PHC1: variants seen among roughly 807,000 people sequenced by gnomAD.
PHC1 encodes polyhomeotic homolog 1, also known as polyhomeotic-like protein 1.
PHC1 carries 12 observed loss-of-function variants against 104.3 expected under a neutral mutation model. The ratio of observed to expected loss-of-function variants is 0.12; its 90% CI spans 0.07 to 0.19. The LOEUF (loss-of-function observed/expected upper bound fraction) is 0.19. Among genes scored for constraint, PHC1 ranks in the 10% least tolerant of loss-of-function variants. The pLI, the probability that PHC1 is intolerant of heterozygous loss-of-function variation, is 1.00. For synonymous variants in PHC1, 302 were observed against 455.8 expected (o/e 0.66, Z 4.30); for missense variants, 671 against 1,200.0 (o/e 0.56, Z 6.51).
chr12:8,941,361 G>A lies in PHC1; in HGVS notation c.*1902G>A, dbSNP rs1376200303. On this transcript the variant is annotated 3_prime_UTR_variant, in exon 15 of 15. Transcript: ENST00000544916. ...GCAGCAAGAAATACCAGATTCTCAT[G>A]GAGGCTACTATAGGGTACAGAATAA... 16 of 197,412 alleles carry A rather than the reference G, an allele frequency of 8.1e-5. No homozygotes were observed. Among genetic ancestry groups the A allele is most frequent in the Non-Finnish European group, 1.6e-4 (15 of 94,884 alleles). The allele number at this position is 197,412 out of a possible 1,614,324, so 12.2% of individuals were successfully genotyped here. A position where few individuals can be genotyped will look rare whatever the true frequency, so the allele number is the denominator to read the frequency against.
chr12:8,937,131 T>C, intron 12 of PHC1, 45 bp from the exon 13 acceptor site: 1 of 1,579,436 alleles, frequency 6.3e-7, no homozygotes, highest in Non-Finnish European at 8.6e-7. Context: ...AGCAGGGTGG[T>C]CTTCTGTGGC....
rs1031883698 is a variant in PHC1 at position 8,921,732 on chromosome 12, G to A, written c.438G>A (p.Gln146=). 3 of 1,609,882 alleles carry A rather than the reference G, an allele frequency of 1.9e-6. No individual in the cohort carries two copies. The highest frequency in any genetic ancestry group is 2.7e-5 in the African/African-American group (2 of 74,680). The change falls in exon 5 of 15, where the codon CAG becomes CAA. Residue 146 remains glutamine (Q), a synonymous_variant. Coordinates refer to ENST00000544916, the MANE Select transcript of PHC1 (RefSeq NM_004426.3). ...NTTSPPLNQS[Q]AQMYLRPQLG... ...CCTCCCCACCCCTCAACCAGTCTCA[G>A]GCCCAGATGTATCTACGGGTAAGCC... is the stretch of plus-strand genomic sequence containing the variant.
At chr12:8,917,879 T>C (rs1213472949) in intron 2 of PHC1, 88 bp downstream of exon 2, 2 of 697,048 alleles carry the variant, frequency 2.9e-6, no homozygotes, top group African/African-American at 3.8e-5. Flanking sequence ...TCAGTTCTTT[T>C]TCAACAAACT....
chr12:8,928,692 C>G (rs1167093722), intron 6 of PHC1, among the ~76,000 whole-genome samples: 2 of 152,166 alleles, frequency 1.3e-5, no homozygotes, highest in Non-Finnish European at 2.9e-5. Context: ...GACACATGAC[C>G]AATGCATTCA....
intron 7 of PHC1, 83 bp from the exon 8 acceptor site, chr12:8,932,480 A>G (rs748910937): frequency 2.0e-6 from 3 of 1,471,454 alleles, no homozygotes; most frequent in Admixed American, 3.8e-5. Context: ...ATACCTTGGA[A>G]AAATGAATTT....
intron 13 of PHC1, 74 bp downstream of exon 13, chr12:8,937,400 G>A: frequency 1.5e-6 from 2 of 1,350,144 alleles, no homozygotes; most frequent in Non-Finnish European, 2.0e-6. Flanking sequence ...CAATTCATTT[G>A]CCCAGGTAAG....
intron 6 of PHC1, among the ~76,000 whole-genome samples, chr12:8,929,564 G>GTTACC (rs1945624067): frequency 6.8e-6 from 1 of 146,680 alleles, no homozygotes; most frequent in Non-Finnish European, 1.5e-5. Context: ...GTCTCACTCT[G>GTTACC]TTACCCAGGC....
intron 6 of PHC1, among the ~76,000 whole-genome samples, chr12:8,927,754 A>T (rs1403111918): frequency 6.6e-6 from 1 of 152,192 alleles, no homozygotes; most frequent in Non-Finnish European, 1.5e-5. Context: ...TCTAGCACCC[A>T]ATCCTGATGA....
intron 2 of PHC1, among the ~76,000 whole-genome samples, chr12:8,918,499 A>G (rs1481807856): frequency 4.0e-5 from 6 of 151,418 alleles, no homozygotes; most frequent in Non-Finnish European, 2.9e-5. Flanking sequence ...TTTTTTTGAG[A>G]CAAGGTCTAG....
At chr12:8,920,030 G>C in intron 3 of PHC1, 164 bp downstream of exon 3, 1 of 1,120,278 alleles carries the variant, frequency 8.9e-7, no homozygotes, top group Non-Finnish European at 1.3e-6. Flanking sequence ...TAGCTTCTGG[G>C]GTTGCAGTAA....
chr12:8,937,848 G>A lies in PHC1; in HGVS notation c.2648G>A (p.Arg883Gln), dbSNP rs376674512. The A allele has an allele frequency of 4.8e-5, 77 of 1,612,468 alleles. No individual in the cohort carries two copies. The highest frequency in any genetic ancestry group is 6.3e-5 in the Non-Finnish European group (74 of 1,178,690). Residue 883 changes from arginine to glutamine, a missense_variant, in exon 14 of 15, where the codon CGG (arginine) becomes CAG (glutamine). This residue lies in a region of PHC1 where 192 missense variants were observed against 280.5 expected (regional missense o/e 0.68). Coordinates refer to ENST00000544916, the MANE Select transcript of PHC1 (RefSeq NM_004426.3). ...CTATAGGGTCAAGAAGACTCTAGCC[G>A]GGGTTCAGATAATTCCAGTTATGAT... The part of the protein sequence containing the change: ...KCHRGQEDSS[R>Q]GSDNSSYDEA...
intron 2 of PHC1, among the ~76,000 whole-genome samples, chr12:8,918,848 A>G (rs991533937): frequency 1.2e-4 from 19 of 152,164 alleles, no homozygotes. Flanking sequence ...GTATTGTTGG[A>G]CGATTTTGTA....
At position 8,933,368 on chromosome 12, in the gene PHC1, G is replaced by GT; in HGVS notation, c.1893+22dup. 1 of 1,542,272 alleles carries GT rather than the reference G, an allele frequency of 6.5e-7. No individual in the cohort carries two copies. The highest frequency in any genetic ancestry group is 1.2e-5 in the South Asian group (1 of 82,324). On this transcript the variant is annotated intron_variant, in intron 8 of 14. Transcript: ENST00000544916. ...ACTTGCCGGTGAGTGATGTCTGATGGTTTTGAGGGCACTATTATGCATGAG... is the reference window on the plus strand; with the variant it reads ...ACTTGCCGGTGAGTGATGTCTGATGGTTTTTGAGGGCACTATTATGCATGAG...
rs1945994513 is a variant in PHC1, at chr12:8,941,053, A to AC, written c.*1595dup. The AC allele has an allele frequency of 7.7e-6, 1 of 129,346 alleles. No homozygotes were observed. The highest frequency in any genetic ancestry group is 1.6e-5 in the Non-Finnish European group (1 of 62,940). 8.0% of individuals were successfully genotyped at this position (129,346 alleles called of 1,614,324 possible). A position where few individuals can be genotyped will look rare whatever the true frequency, so the allele number is the denominator to read the frequency against. On this transcript the variant is annotated 3_prime_UTR_variant, in exon 15 of 15. Coordinates refer to ENST00000544916, the MANE Select transcript of PHC1 (RefSeq NM_004426.3). ...TTCCCTTTTCTGGAACCCCTGTGGC[A>AC]CAGGAGTACCAATTTTCCTTTCCAA...
intron 11 of PHC1, 25 bp downstream of exon 11, chr12:8,935,263 T>TCCCCCAAATGAGTCTC: frequency 7.8e-7 from 1 of 1,275,788 alleles, no homozygotes; most frequent in Non-Finnish European, 1.1e-6. Flanking sequence ...AGAGACTCAT[T>TCCCCCAAATGAGTCTC]TGGGGGAAGG....
intron 1 of PHC1, 106 bp downstream of exon 1, chr12:8,914,933 C>T (rs1945156513): frequency 1.3e-5 from 2 of 154,218 alleles, no homozygotes; most frequent in Admixed American, 1.3e-4. Flanking sequence ...CAGGTACCTC[C>T]CCCAGTTGCT....
Position 8,935,199 on chromosome 12 carries a change from C to G in PHC1, c.2329C>G (p.Gln777Glu). ...CCTTCCGACAGGGCTGACTGAGAAT[C>G]AGTCAGGTGGCCCTTTGGGAGTGGA... ...TGLPTGLTEN[Q>E]SGGPLGVDSP... The change falls in exon 11 of 15, where the codon CAG becomes GAG. Residue 777 changes from glutamine (Q) to glutamate (E), a missense_variant. This residue lies in a region of PHC1 where 192 missense variants were observed against 280.5 expected (regional missense o/e 0.68). Coordinates refer to ENST00000544916, the MANE Select transcript of PHC1 (RefSeq NM_004426.3). 2.5e-6 allele frequency: 4 copies of G among 1,589,202 alleles called. No homozygotes were observed. The highest frequency in any genetic ancestry group is 3.4e-6 in the Non-Finnish European group (4 of 1,164,174).
rs1277596734 is a variant in PHC1 at position 8,922,613 on chromosome 12, C to A, written c.457-20C>A. On this transcript the variant is annotated intron_variant, in intron 5 of 14. Coordinates refer to ENST00000544916, the MANE Select transcript of PHC1 (RefSeq NM_004426.3). ...TTTCCCTCTTGTCCTCTTTGCTCTT[C>A]CTCTTCCTCTCCTTGCCAGCCACAG... The A allele has an allele frequency of 6.4e-7, 1 of 1,554,144 alleles. No homozygotes were observed. Among genetic ancestry groups the A allele is most frequent in the East Asian group, 2.4e-5 (1 of 41,388 alleles).
chr12:8,936,599 A>G (rs953739530), intron 11 of PHC1, among the ~76,000 whole-genome samples: 1 of 152,190 alleles, frequency 6.6e-6, no homozygotes, highest in African/African-American at 2.4e-5. Flanking sequence ...TAAGAGTATG[A>G]ATTAGGATAA....
Sources: allele counts gnomAD v4.1 joint callset (sites outside exome capture counted in the v4.1 genomes callset), GRCh38; gene constraint gnomAD v4.1.1; regional missense constraint gnomAD v4.1.1; transcripts MANE v1.5; gene names NCBI Gene and HGNC (gene_info 2026-07-23, HGNC 2026-07-21).